The following RAD51B variants were observed in gnomAD, a reference collection of about 807,000 sequenced individuals.
The protein encoded by RAD51B is RAD51 paralog B.
Under a neutral mutation model 42.2 loss-of-function variants are expected in RAD51B, and 38 were observed. That is an observed-to-expected ratio of 0.90 (90% CI 0.70 to 1.18). The LOEUF (loss-of-function observed/expected upper bound fraction) is 1.18, where lower values mean the gene tolerates loss of function less well. RAD51B is among the 50% of genes most tolerant of loss of function. The pLI is 0.00. For missense variants in RAD51B, 373 were observed against 400.7 expected (o/e 0.93, Z 0.59); for synonymous variants, 154 against 145.2 (o/e 1.06, Z -0.43).
chr14:68,656,520 C>A (rs937316955), intron 11 of RAD51B, among the ~76,000 whole-genome samples: 10 of 152,182 alleles, frequency 6.6e-5, no homozygotes, highest in African/African-American at 1.7e-4. Context: ...CCCTCCCAGC[C>A]TCTCTGGGCA....
intron 7 of RAD51B, among the ~76,000 whole-genome samples, chr14:68,257,882 A>G (rs2080786598): frequency 6.6e-6 from 1 of 152,218 alleles, no homozygotes; most frequent in Non-Finnish European, 1.5e-5. Flanking sequence ...ACAATAGATT[A>G]TTAATGTTTT....
At chr14:67,886,950 C>A (rs1566942159) in intron 6 of RAD51B, 71 bp from the exon 7 acceptor site, 2 of 992,550 alleles carry the variant, frequency 2.0e-6, no homozygotes, top group Non-Finnish European at 2.9e-6. Flanking sequence ...AGTTGCTTAG[C>A]CTTTGCAATA....
chr14:68,477,156 G>A lies in RAD51B; in HGVS notation c.1037-492G>A, dbSNP rs751200238. ...TGTAAGGAGTGTTTTGGTCAGCCGC[G>A]TCCCTATGCGAGGCCAAGTCTCCCC... On this transcript the variant is annotated intron_variant, in intron 10 of 10. Transcript: ENST00000471583. Among the ~76,000 whole-genome samples the A allele has an allele frequency of 7.2e-5, 11 of 152,178 alleles. No individual in the cohort carries two copies. The East Asian group carries it at 7.7e-4, about 11-fold the overall frequency.
At chr14:68,481,243 A>G (rs934718098), downstream of RAD51B, among the ~76,000 whole-genome samples, 17 of 151,660 alleles carry the variant, frequency 1.1e-4, no homozygotes, top group Non-Finnish European at 2.2e-4. Context: ...GTTCTCTGCA[A>G]CTCCTAATTG....
At chr14:68,515,281 G>C (rs1886050722) in intron 10 of RAD51B, among the ~76,000 whole-genome samples, 1 of 152,126 alleles carries the variant, frequency 6.6e-6, no homozygotes. Flanking sequence ...AAGTTCAGAA[G>C]AAACAGAGCT....
intron 7 of RAD51B, among the ~76,000 whole-genome samples, chr14:68,044,965 C>T (rs920484603): frequency 6.6e-6 from 1 of 151,976 alleles, no homozygotes; most frequent in Admixed American, 6.5e-5. Flanking sequence ...ACTGGCCAGG[C>T]GTGGTGGCTC....
intron 8 of RAD51B, among the ~76,000 whole-genome samples, chr14:68,352,155 G>A (rs906450272): frequency 3.3e-5 from 5 of 152,192 alleles, no homozygotes; most frequent in African/African-American, 1.2e-4. Flanking sequence ...TGATAATTGA[G>A]CCATAAAAGT....
chr14:68,204,288 AAT>A (rs999129747), intron 7 of RAD51B, among the ~76,000 whole-genome samples: 2 of 152,168 alleles, frequency 1.3e-5, no homozygotes, highest in African/African-American at 2.4e-5. Context: ...TGTCTCAGGG[AAT>A]AGAGAGGCCC....
chr14:68,000,709 A>G (rs2075465220), intron 7 of RAD51B, among the ~76,000 whole-genome samples: 1 of 152,178 alleles, frequency 6.6e-6, no homozygotes, highest in Admixed American at 6.5e-5. Flanking sequence ...AATGTTTTGG[A>G]AAAAATAAGC....
Position 67,914,090 on chromosome 14 carries a change from C to A in RAD51B, c.756+26886C>A, listed in dbSNP as rs1268828987. Among the ~76,000 whole-genome samples, 6 of 152,106 alleles carry A rather than the reference C, an allele frequency of 3.9e-5. No individual in the cohort carries two copies. The South Asian group carries it at 8.3e-4, about 21-fold the overall frequency. On this transcript the variant is annotated intron_variant, in intron 7 of 10. Coordinates refer to ENST00000471583, the MANE Select transcript of RAD51B (RefSeq NM_133510.4). Reference sequence around the variant, plus strand: ...CTCCGCCTCCCATTTTCAAGCGATTCTCTTGCCTCAGCCTCCAGAGTAGCT... The same window carrying A: ...CTCCGCCTCCCATTTTCAAGCGATTATCTTGCCTCAGCCTCCAGAGTAGCT...
intron 8 of RAD51B, 33 bp from the exon 9 acceptor site, chr14:68,411,391 A>G (rs750823055): frequency 8.9e-6 from 14 of 1,577,890 alleles, no homozygotes; most frequent in African/African-American, 1.3e-5. Context: ...AAGAAAGGGC[A>G]TCTGAAAGCG....
intron 10 of RAD51B, among the ~76,000 whole-genome samples, chr14:68,577,808 G>C (rs1350724394): frequency 6.6e-6 from 1 of 152,166 alleles, no homozygotes; most frequent in Non-Finnish European, 1.5e-5. Flanking sequence ...TGTGTCCCCG[G>C]CACTTAGAAT....
chr14:68,519,057 A>G (rs984506890), intron 10 of RAD51B, among the ~76,000 whole-genome samples: 2 of 148,902 alleles, frequency 1.3e-5, no homozygotes, highest in Non-Finnish European at 2.9e-5. Context: ...CCAACTTCAC[A>G]ATCATGATGT....
At chr14:68,606,698 G>A (rs561126197) in intron 10 of RAD51B, among the ~76,000 whole-genome samples, 2 of 152,286 alleles carry the variant, frequency 1.3e-5, no homozygotes, top group South Asian at 2.1e-4. Flanking sequence ...GGAAGGAATC[G>A]CATCTTAGAC....
intron 7 of RAD51B, among the ~76,000 whole-genome samples, chr14:68,039,980 T>A (rs2076193389): frequency 6.6e-6 from 1 of 152,232 alleles, no homozygotes; most frequent in African/African-American, 2.4e-5. Context: ...GGAATAATTC[T>A]GTTATCTACC....
chr14:68,215,898 A>T (rs1249309694), intron 7 of RAD51B, among the ~76,000 whole-genome samples: 1 of 152,146 alleles, frequency 6.6e-6, no homozygotes, highest in Admixed American at 6.5e-5. Context: ...TGAGGCTCTT[A>T]TGGGATTTTT....
intron 7 of RAD51B, among the ~76,000 whole-genome samples, chr14:68,182,093 G>A (rs2079070952): frequency 6.6e-6 from 1 of 152,182 alleles, no homozygotes; most frequent in Non-Finnish European, 1.5e-5. Flanking sequence ...AGAAGCCTTG[G>A]TGTCTAATGT....
chr14:67,990,091 G>C (rs1488753693), intron 7 of RAD51B, among the ~76,000 whole-genome samples: 1 of 145,896 alleles, frequency 6.9e-6, no homozygotes, highest in Non-Finnish European at 1.5e-5. Flanking sequence ...TCTACCTCCT[G>C]TGTTCAAGCT....
intron 11 of RAD51B, among the ~76,000 whole-genome samples, chr14:68,682,335 C>G (rs117859692): frequency 7.2e-5 from 11 of 152,326 alleles, no homozygotes; most frequent in Non-Finnish European, 1.0e-4. Context: ...AACAAACCAT[C>G]TGATCTCTAG....
Sources: allele counts gnomAD v4.1 joint callset (sites outside exome capture counted in the v4.1 genomes callset), GRCh38; gene constraint gnomAD v4.1.1; transcripts MANE v1.5; gene names NCBI Gene and HGNC (gene_info 2026-07-23, HGNC 2026-07-21).